Variants in MEF2A observed in about 807,000 individuals in gnomAD.
MEF2A encodes myocyte-specific enhancer factor 2A.
MEF2A carries 28 observed loss-of-function variants against 55.8 expected under a neutral mutation model. The ratio of observed to expected loss-of-function variants is 0.50; its 90% confidence interval spans 0.37 to 0.69. The LOEUF is 0.69. Ranked by LOEUF, MEF2A falls within the 30% of genes least tolerant of loss-of-function variation. The pLI is 0.00. For synonymous variants in MEF2A, 239 were observed against 227.1 expected, an observed-to-expected ratio of 1.05 and a Z score of -0.47; for missense variants, 528 against 626.2, an observed-to-expected ratio of 0.84 and a Z score of 1.67.
At chr15:99,591,179 A>C (rs895561845) in intron 1 of MEF2A, among the ~76,000 whole-genome samples, 1 of 152,114 alleles carries the variant, frequency 6.6e-6, no homozygotes, top group Middle Eastern at 3.2e-3. Context: ...CTGCTTCTTA[A>C]AACTCTTCCT....
chr15:99,577,573 A>G (rs187809384), intron 1 of MEF2A, among the ~76,000 whole-genome samples: 72 of 152,334 alleles, frequency 4.7e-4, no homozygotes, highest in African/African-American at 1.6e-3. Context: ...CTATATAACC[A>G]TAATGTAAAT....
At chr15:99,670,466 C>T (rs1056449651) in intron 4 of MEF2A, among the ~76,000 whole-genome samples, 3 of 151,932 alleles carry the variant, frequency 2.0e-5, no homozygotes, top group Non-Finnish European at 4.4e-5. Context: ...AAAAATTAGC[C>T]GGGCGTGGTG....
intron 7 of MEF2A, among the ~76,000 whole-genome samples, chr15:99,688,070 A>G (rs1000770337): frequency 2.0e-5 from 3 of 152,214 alleles, no homozygotes; most frequent in Admixed American, 2.0e-4. Flanking sequence ...CAGCTTTGTA[A>G]TAAACACTTA....
intron 7 of MEF2A, among the ~76,000 whole-genome samples, chr15:99,678,310 A>T (rs1013780159): frequency 2.0e-5 from 3 of 152,162 alleles, no homozygotes; most frequent in Non-Finnish European, 4.4e-5. Context: ...AAATTTGCTG[A>T]TACTTTTTTA....
chr15:99,609,158 C>G (rs1976244974), intron 2 of MEF2A, among the ~76,000 whole-genome samples: 1 of 152,126 alleles, frequency 6.6e-6, no homozygotes, highest in Non-Finnish European at 1.5e-5. Context: ...GGCCCCAGGC[C>G]CATGTGCATG....
chr15:99,680,801 CTT>C (rs1279520681), intron 7 of MEF2A, among the ~76,000 whole-genome samples: 1 of 152,112 alleles, frequency 6.6e-6, no homozygotes, highest in Non-Finnish European at 1.5e-5. Flanking sequence ...GTTTTTCACT[CTT>C]TTTCTAGTTT....
chr15:99,689,566 C>T (rs1210115534), intron 7 of MEF2A, among the ~76,000 whole-genome samples: 15 of 152,134 alleles, frequency 9.9e-5, no homozygotes, highest in Admixed American at 7.9e-4. Context: ...CGGCAACCTC[C>T]GTCTCCCGGG....
At chr15:99,642,460 T>G (rs1295963890) in intron 3 of MEF2A, among the ~76,000 whole-genome samples, 2 of 152,180 alleles carry the variant, frequency 1.3e-5, no homozygotes, top group Non-Finnish European at 2.9e-5. Context: ...ACAACTTTTT[T>G]CTATTCATTT....
intron 8 of MEF2A, among the ~76,000 whole-genome samples, chr15:99,693,333 G>A (rs969430659): frequency 2.0e-5 from 3 of 152,130 alleles, no homozygotes; most frequent in Admixed American, 2.0e-4. Context: ...CTTCCAAAAA[G>A]AGAAGAGAGA....
At chr15:99,653,164 C>T (rs2047129829) in intron 4 of MEF2A, among the ~76,000 whole-genome samples, 1 of 152,146 alleles carries the variant, frequency 6.6e-6, no homozygotes, top group Non-Finnish European at 1.5e-5. Context: ...TCTCAATGTT[C>T]TGTGTCAGCC....
chr15:99,615,050 G>A (rs2039969467), intron 2 of MEF2A, among the ~76,000 whole-genome samples: 2 of 152,214 alleles, frequency 1.3e-5, no homozygotes, highest in Admixed American at 1.3e-4. Flanking sequence ...AATTGCACTG[G>A]AGGGAAATAA....
intron 2 of MEF2A, among the ~76,000 whole-genome samples, chr15:99,601,978 T>A (rs1027892954): frequency 4.6e-5 from 7 of 152,082 alleles, no homozygotes; most frequent in Non-Finnish European, 7.4e-5. Context: ...CCTCTGGACC[T>A]GGAGGTTCTT....
At chr15:99,649,531 A>G (rs1429283161) in intron 4 of MEF2A, among the ~76,000 whole-genome samples, 1 of 152,188 alleles carries the variant, frequency 6.6e-6, no homozygotes, top group Non-Finnish European at 1.5e-5. Context: ...TAGGTGGCAG[A>G]CTTTTGTTTG....
intron 9 of MEF2A, among the ~76,000 whole-genome samples, chr15:99,705,035 G>T (rs1050468529): frequency 1.3e-5 from 2 of 152,176 alleles, no homozygotes; most frequent in African/African-American, 4.8e-5. Context: ...AACTTTATGT[G>T]CCAGAACCAA....
rs3138597 is a variant in MEF2A, at chr15:99,712,504, C to CCAGCAGCAGCAGCAG, written c.1271_1285dup (p.Gln424_Gln428dup). ...GGGATCGTATGACCCCATCGGGCTT[C>CCAGCAGCAGCAGCAG]CAGCAGCAGCAGCAGCAGCAGCAGC... On this transcript the variant is annotated inframe_insertion, in exon 12 of 12. Coordinates refer to ENST00000557942, the MANE Select transcript of MEF2A (RefSeq NM_001319206.4). The surrounding 1 kb of genome is among the most constrained non-coding windows in gnomAD (Gnocchi z 4.1). 9.3e-5 allele frequency: 142 copies of CCAGCAGCAGCAGCAG among 1,531,528 alleles called. No individual in the cohort carries two copies. The African/African-American group carries it at 1.1e-3, about 12-fold the overall frequency. 94.9% of individuals were successfully genotyped at this position (1,531,528 alleles called of 1,614,324 possible). A position where few individuals can be genotyped will look rare whatever the true frequency, so the allele number is the denominator to read the frequency against.
chr15:99,642,532 A>AT (rs956614489), intron 3 of MEF2A, among the ~76,000 whole-genome samples: 4 of 151,078 alleles, frequency 2.6e-5, no homozygotes, highest in African/African-American at 7.3e-5. Flanking sequence ...TTATGATTTG[A>AT]TTTTTTTTCT....
intron 4 of MEF2A, chr15:99,657,270 T>C (rs551172518): frequency 6.8e-4 from 104 of 151,898 alleles, no homozygotes; most frequent in African/African-American, 2.4e-3. Flanking sequence ...GTTCTGTGTT[T>C]AACTTTTTGA....
chr15:99,588,540 A>G (rs1968169330), intron 1 of MEF2A, among the ~76,000 whole-genome samples: 1 of 151,920 alleles, frequency 6.6e-6, no homozygotes, highest in Non-Finnish European at 1.5e-5. Context: ...TCCTGAGCTC[A>G]GGCAATCTGG....
chr15:99,643,590 G>A (rs1207617227), intron 3 of MEF2A, among the ~76,000 whole-genome samples: 1 of 150,454 alleles, frequency 6.6e-6, no homozygotes, highest in Non-Finnish European at 1.5e-5. Context: ...TTTATATTGA[G>A]AATTTTTTTT....
Sources: allele counts gnomAD v4.1 joint callset (sites outside exome capture counted in the v4.1 genomes callset), GRCh38; gene constraint gnomAD v4.1.1; non-coding constraint Gnocchi (gnomAD v3.1); transcripts MANE v1.5; gene names NCBI Gene and HGNC (gene_info 2026-07-23, HGNC 2026-07-21).